Variants in ZDHHC7 observed in about 807,000 individuals in gnomAD.
ZDHHC7 encodes palmitoyltransferase ZDHHC7.
Under a neutral mutation model 34.1 loss-of-function variants are expected in ZDHHC7, and 12 were observed. The observed-to-expected ratio is 0.35, with a 90% CI of 0.23 to 0.57. The LOEUF is 0.57. ZDHHC7 is among the 20% of genes least tolerant of loss of function. The pLI, the probability that ZDHHC7 is intolerant of heterozygous loss-of-function variation, is 0.84. For synonymous variants in ZDHHC7, 185 were observed against 155.4 expected, an observed-to-expected ratio of 1.19 and a Z score of -1.42; for missense variants, 388 against 402.7, an observed-to-expected ratio of 0.96 and a Z score of 0.31.
chr16:85,010,372 C>T (rs1975907875), intron 1 of ZDHHC7, among the ~76,000 whole-genome samples: 1 of 152,102 alleles, frequency 6.6e-6, no homozygotes, highest in Admixed American at 6.6e-5. Context: ...TATGTAAACA[C>T]TGTAAAACAT....
upstream of ZDHHC7, among the ~76,000 whole-genome samples, chr16:85,012,626 A>G (rs2088748): frequency 0.41 from 61,539 of 151,746 alleles, 13,653 homozygotes; most frequent in African/African-American, 0.6. Context: ...GAATAAGGCC[A>G]GGTGTGGTGG....
intron 1 of ZDHHC7, among the ~76,000 whole-genome samples, chr16:84,996,800 G>A (rs1019587085): frequency 2.4e-4 from 36 of 152,016 alleles, no homozygotes; most frequent in Admixed American, 5.2e-4. Context: ...AGGCTGAGGC[G>A]GGTGGATCAT....
At chr16:84,995,433 C>G (rs1464480011) in intron 2 of ZDHHC7, among the ~76,000 whole-genome samples, 1 of 152,174 alleles carries the variant, frequency 6.6e-6, no homozygotes, top group Non-Finnish European at 1.5e-5. Context: ...CAAGACCAGC[C>G]TGGCCAACAT....
At position 84,976,288 on chromosome 16, in the gene ZDHHC7, C is replaced by G. The variant is rs2072295631; in HGVS notation, c.*55G>C. On this transcript the variant is annotated 3_prime_UTR_variant, in exon 8 of 8. Coordinates refer to ENST00000313732, the MANE Select transcript of ZDHHC7 (RefSeq NM_017740.3). Reference sequence around the variant, plus strand: ...AGATGAGCTGTTGATATCCTTCAGACCCCAAATAAATAACTGGAAGTCTGT... The same window carrying G: ...AGATGAGCTGTTGATATCCTTCAGAGCCCAAATAAATAACTGGAAGTCTGT... 1.2e-5 allele frequency: 20 copies of G among 1,604,530 alleles called. No individual in the cohort carries two copies. The highest frequency in any genetic ancestry group is 1.7e-5 in the Non-Finnish European group (20 of 1,176,564).
the ZDHHC7 span, among the ~76,000 whole-genome samples, chr16:85,017,838 G>A: frequency 2.6e-4 from 40 of 152,308 alleles, no homozygotes; most frequent in Middle Eastern, 3.4e-3. Flanking sequence ...AAGGGAATGC[G>A]GGCGGACTCA....
Position 84,997,517 on chromosome 16 carries a change from C to T in ZDHHC7, c.-103-1510G>A, listed in dbSNP as rs575028138. On this transcript the variant is annotated intron_variant, in intron 1 of 7. Coordinates refer to ENST00000313732, the MANE Select transcript of ZDHHC7 (RefSeq NM_017740.3). The stretch of plus-strand genomic sequence containing the variant: ...CGATCTCCTGACCTCGTGATCCGCC[C>T]GCCTCGGCCTCCCAAAGTGCTGGGA... Among the ~76,000 whole-genome samples, 14 of 151,056 alleles carry T rather than the reference C, an allele frequency of 9.3e-5. 1 individual carries two copies. The South Asian group carries it at 1.9e-3, about 20-fold the overall frequency.
At chr16:84,988,831 T>A in intron 3 of ZDHHC7, 1 of 1,551,772 alleles carries the variant, frequency 6.4e-7, no homozygotes, top group South Asian at 1.2e-5. Context: ...TCCAGCCCAG[T>A]TTTCACTGTG....
chr16:84,993,457 C>G (rs2072536260), intron 2 of ZDHHC7, among the ~76,000 whole-genome samples: 1 of 151,592 alleles, frequency 6.6e-6, no homozygotes, highest in African/African-American at 2.4e-5. Context: ...CATGGGAAGA[C>G]CCAATCTCTA....
At chr16:85,009,937 C>T (rs9935369) in intron 1 of ZDHHC7, among the ~76,000 whole-genome samples, 27,205 of 151,770 alleles carry the variant, frequency 0.18, 2,527 homozygotes, top group African/African-American at 0.22. Context: ...CTCGATCTCC[C>T]GACTTCGTGA....
chr16:84,997,747 G>A (rs2072598970), intron 1 of ZDHHC7, among the ~76,000 whole-genome samples: 1 of 147,962 alleles, frequency 6.8e-6, no homozygotes. Flanking sequence ...ACAAAAATTA[G>A]CTAGGCGTGG....
rs996563306 is a variant in ZDHHC7, at chr16:84,975,522, G to A, written c.*821C>T. On this transcript the variant is annotated 3_prime_UTR_variant, in exon 8 of 8. Transcript: ENST00000313732. ...TAAAAAATGAAAGCAGGAGGGCAAC[G>A]AAGGGCCGCACAGGAACGGCTGTTC... 3 of 152,570 alleles carry A rather than the reference G, an allele frequency of 2.0e-5. No individual in the cohort carries two copies. The highest frequency in any genetic ancestry group is 6.5e-5 in the Admixed American group (1 of 15,278). 9.5% of individuals were successfully genotyped at this position (152,570 alleles called of 1,614,324 possible).
Position 84,975,271 on chromosome 16 carries a change from T to A in ZDHHC7, c.*1072A>T, listed in dbSNP as rs1019212753. 1 of 152,700 alleles carries A rather than the reference T, an allele frequency of 6.5e-6. No individual in the cohort carries two copies. The highest frequency in any genetic ancestry group is 2.1e-4 in the South Asian group (1 of 4,836). 9.5% of individuals were successfully genotyped at this position (152,700 alleles called of 1,614,324 possible). ...TGGCACAGTCGCCCCTGCCAGGGGC[T>A]GGCTGCCTCATGGTCCCCTCCCCTT... On this transcript the variant is annotated 3_prime_UTR_variant, in exon 8 of 8. Coordinates refer to ENST00000313732, the MANE Select transcript of ZDHHC7 (RefSeq NM_017740.3).
intron 2 of ZDHHC7, among the ~76,000 whole-genome samples, chr16:84,992,781 C>A (rs1320074521): frequency 4.6e-5 from 7 of 152,148 alleles, no homozygotes; most frequent in African/African-American, 1.7e-4. Flanking sequence ...TCTCAGAGGT[C>A]AGGTCACTAC....
At position 84,990,535 on chromosome 16, in the gene ZDHHC7, G is replaced by C. The variant is rs146264138; in HGVS notation, c.84C>G (p.Ser28=). The C allele has an allele frequency of 8.4e-5, 136 of 1,614,058 alleles. 1 individual carries two copies. The African/African-American group carries it at 1.3e-3, about 16-fold the overall frequency. ...AENDNYDSSS[S]SSSEADVADR... The stretch of plus-strand genomic sequence containing the variant: ...CAGCCACGTCAGCCTCGGAGGAGGA[G>C]GACGATGAAGAGTCATAGTTGTCAT... The change falls in exon 3 of 8, where the codon TCC becomes TCG. Residue 28 remains serine (S), a synonymous_variant. Transcript: ENST00000313732.
In ZDHHC7 at chr16:84,979,169, A is replaced by T; in HGVS notation, c.537+20T>A. 1 of 1,580,864 alleles carries T rather than the reference A, an allele frequency of 6.3e-7. No individual in the cohort carries two copies. The highest frequency in any genetic ancestry group is 8.6e-7 in the Non-Finnish European group (1 of 1,168,216). On this transcript the variant is annotated intron_variant, in intron 5 of 7. Coordinates refer to ENST00000313732, the MANE Select transcript of ZDHHC7 (RefSeq NM_017740.3). ...ATTTCAAATTCAATGTAAATTCAAT[A>T]CAAAAATATTTTTACTTACAGTGAA...
intron 3 of ZDHHC7, among the ~76,000 whole-genome samples, chr16:84,989,052 A>G (rs1889110851): frequency 6.6e-6 from 1 of 152,178 alleles, no homozygotes; most frequent in Admixed American, 6.5e-5. Flanking sequence ...CTAGAGGGAG[A>G]CCTGCCGCGT....
At position 84,976,418 on chromosome 16, in the gene ZDHHC7, C is replaced by A; in HGVS notation, c.852G>T (p.Met284Ile). 1 of 1,614,168 alleles carries A rather than the reference C, an allele frequency of 6.2e-7. No homozygotes were observed. Among genetic ancestry groups the A allele is most frequent in the East Asian group, 2.2e-5 (1 of 44,874 alleles). The change falls in exon 8 of 8, where the codon ATG (methionine) becomes ATT (isoleucine). Residue 284 changes from methionine to isoleucine, a missense_variant. Met to Ile is a conservative substitution (Grantham distance 10). Coordinates refer to ENST00000313732, the MANE Select transcript of ZDHHC7 (RefSeq NM_017740.3). The part of the protein sequence containing the change: ...VFGGPPSLLW[M>I]NPFVGFRFRR... Reference sequence around the variant, plus strand: ...TAAATCGGAAGCCCACAAAGGGATTCATCCAGAGGAGTGAGGGGGGCCCCC... The same window carrying A: ...TAAATCGGAAGCCCACAAAGGGATTAATCCAGAGGAGTGAGGGGGGCCCCC...
intron 1 of ZDHHC7, among the ~76,000 whole-genome samples, chr16:85,007,727 T>C (rs2072736816): frequency 6.6e-6 from 1 of 152,060 alleles, no homozygotes; most frequent in Non-Finnish European, 1.5e-5. Flanking sequence ...GCTCTCCCTG[T>C]GGCCTGTGTC....
intron 1 of ZDHHC7, among the ~76,000 whole-genome samples, chr16:85,007,422 CAAA>C (rs138373927): frequency 2.3e-5 from 2 of 85,484 alleles, no homozygotes; most frequent in Non-Finnish European, 2.4e-5. Flanking sequence ...TACTCCATCT[CAAA>C]AAAAAAAAAA....
Sources: gnomAD v4.1 joint callset for allele counts (sites outside exome capture counted in the v4.1 genomes callset) on GRCh38, gnomAD v4.1.1 for gene constraint, MANE v1.5 for transcripts, NCBI Gene and HGNC (gene_info 2026-07-23, HGNC 2026-07-21) for gene names.